DMP1: variants seen among roughly 807,000 people sequenced by gnomAD.
DMP1 encodes dentin matrix acidic phosphoprotein 1.
A neutral mutation model predicts 14.6 loss-of-function variants in DMP1; 20 were observed. That is an observed-to-expected ratio of 1.37 (90% CI 0.96 to 1.99). DMP1 has a LOEUF of 1.99. Ranked by LOEUF, DMP1 falls within the 30% of genes most tolerant of loss-of-function variation. The probability of loss-of-function intolerance (pLI) is 0.00; values close to 1 mark genes in which losing one functional copy is unlikely to be tolerated. For synonymous variants in DMP1, 197 were observed against 215.3 expected (o/e 0.91, Z 0.75); for missense variants, 567 against 620.5 (o/e 0.91, Z 0.92).
chr4:87,662,606 A>C lies in DMP1; in HGVS notation c.828A>C (p.Glu276Asp). The C allele has an allele frequency of 1.2e-6, 2 of 1,614,206 alleles. No homozygotes were observed. The highest frequency in any genetic ancestry group is 1.7e-6 in the Non-Finnish European group (2 of 1,180,042). ...KIFRKSRISE[E>D]DDRSELDDNN... ...TTAGGAAGTCTCGCATCTCAGAGGA[A>C]GATGACAGAAGCGAGCTTGATGACA... The change falls in exon 6 of 6, where the codon GAA becomes GAC. Residue 276 changes from glutamate (E) to aspartate (D), a missense_variant. Transcript: ENST00000339673.
Position 87,662,733 on chromosome 4 carries a change from G to C in DMP1, c.955G>C (p.Glu319Gln). 6.2e-7 allele frequency: 1 copy of C among 1,614,144 alleles called. No homozygotes were observed. Residue 319 changes from glutamate (E) to glutamine (Q), a missense_variant, in exon 6 of 6, where the codon GAA becomes CAA. Transcript: ENST00000339673. Reference sequence around the variant, plus strand: ...GAGAGACAGCAAGGGTGACTCTCAAGAAGACAGCAAGGAGAATCTGTCCCA... The same window carrying C: ...GAGAGACAGCAAGGGTGACTCTCAACAAGACAGCAAGGAGAATCTGTCCCA... ...PRRDSKGDSQ[E>Q]DSKENLSQEE...
At chr4:87,653,044 T>G (rs1728564268) in intron 1 of DMP1, among the ~76,000 whole-genome samples, 1 of 152,142 alleles carries the variant, frequency 6.6e-6, no homozygotes, top group African/African-American at 2.4e-5. Context: ...GATTTTGGTA[T>G]AGTTAAGCAT....
chr4:87,662,491 A>G lies in DMP1; in HGVS notation c.713A>G (p.Lys238Arg). ...GNSRMNSAGMKSKESGENSEQ... is the reference protein window; with the variant it reads ...GNSRMNSAGMRSKESGENSEQ... Reference sequence around the variant, plus strand: ...TCCAGAATGAACAGTGCAGGCATGAAATCAAAAGAATCTGGAGAAAACAGT... The same window carrying G: ...TCCAGAATGAACAGTGCAGGCATGAGATCAAAAGAATCTGGAGAAAACAGT... Residue 238 changes from lysine (K) to arginine (R), a missense_variant, in exon 6 of 6, where the codon AAA becomes AGA. Coordinates refer to ENST00000339673, the MANE Select transcript of DMP1 (RefSeq NM_004407.4). 1 of 1,614,178 alleles carries G rather than the reference A, an allele frequency of 6.2e-7. No individual in the cohort carries two copies. Among genetic ancestry groups the G allele is most frequent in the Non-Finnish European group, 8.5e-7 (1 of 1,180,020 alleles).
At chr4:87,654,931 T>C (rs139757432) in intron 1 of DMP1, among the ~76,000 whole-genome samples, 444 of 152,228 alleles carry the variant, frequency 2.9e-3, no homozygotes, top group Non-Finnish European at 5.0e-3. Flanking sequence ...AACCAGACTG[T>C]TTTGGGGTAA....
In DMP1 at chr4:87,663,109, G is replaced by A. The variant is rs763801854; in HGVS notation, c.1331G>A (p.Ser444Asn). 1.2e-6 allele frequency: 2 copies of A among 1,614,070 alleles called. No homozygotes were observed. Among genetic ancestry groups the A allele is most frequent in the Admixed American group, 1.7e-5 (1 of 60,010 alleles). ...QSHSSSAESQ[S>N]EESHSEEDDS... The stretch of plus-strand genomic sequence containing the variant: ...CACAGCAGCTCAGCAGAGAGTCAGA[G>A]CGAGGAAAGCCATTCTGAGGAAGAC... The change falls in exon 6 of 6, where the codon AGC becomes AAC. Residue 444 changes from serine to asparagine, a missense_variant. Physicochemically the swap from Ser to Asn is conservative, Grantham distance 46 (BLOSUM62 1). Coordinates refer to ENST00000339673, the MANE Select transcript of DMP1 (RefSeq NM_004407.4).
Position 87,662,899 on chromosome 4 carries a change from A to T in DMP1, c.1121A>T (p.Tyr374Phe). The stretch of plus-strand genomic sequence containing the variant: ...GATAACCCCGACCCCACAACTAGTT[A>T]TGTAGAAGACCAGGAAGACAGTGAC... Reference protein sequence around the residue: ...RGDNPDPTTSYVEDQEDSDSS... With the variant: ...RGDNPDPTTSFVEDQEDSDSS... The change falls in exon 6 of 6, where the codon TAT (tyrosine) becomes TTT (phenylalanine). Residue 374 changes from tyrosine (Y) to phenylalanine (F), a missense_variant. Transcript: ENST00000339673. 6.2e-7 allele frequency: 1 copy of T among 1,614,202 alleles called. No individual in the cohort carries two copies. Among genetic ancestry groups the T allele is most frequent in the Non-Finnish European group, 8.5e-7 (1 of 1,180,046 alleles).
rs1395977176 is a variant in DMP1 at position 87,662,464 on chromosome 4, A to G, written c.686A>G (p.Asn229Ser). The G allele has an allele frequency of 6.2e-7, 1 of 1,613,954 alleles. No individual in the cohort carries two copies. ...DPESIRSERGNSRMNSAGMKS... is the reference protein window; with the variant it reads ...DPESIRSERGSSRMNSAGMKS... ...GAGAGCATCAGGAGTGAAAGGGGAA[A>G]CTCCAGAATGAACAGTGCAGGCATG... The change falls in exon 6 of 6, where the codon AAC (asparagine) becomes AGC (serine). Residue 229 changes from asparagine (N) to serine (S), a missense_variant. By Grantham distance (46) the Asn-to-Ser change is conservative. Coordinates refer to ENST00000339673, the MANE Select transcript of DMP1 (RefSeq NM_004407.4).
chr4:87,663,410 A>T lies in DMP1; in HGVS notation c.*90A>T. ...ATAACTATAATTTATTGATGTTTTG[A>T]TCAAAAGAATAACCAGATGCCATAT... On this transcript the variant is annotated 3_prime_UTR_variant, in exon 6 of 6. Transcript: ENST00000339673. The T allele has an allele frequency of 6.3e-7, 1 of 1,588,724 alleles. No homozygotes were observed. The highest frequency in any genetic ancestry group is 8.6e-7 in the Non-Finnish European group (1 of 1,160,608).
In DMP1 at chr4:87,662,206, C is replaced by T. The variant is rs370153862; in HGVS notation, c.428C>T (p.Thr143Ile). 1.9e-4 allele frequency: 314 copies of T among 1,614,072 alleles called. No individual in the cohort carries two copies. The highest frequency in any genetic ancestry group is 2.2e-4 in the Non-Finnish European group (260 of 1,180,050). The change falls in exon 6 of 6, where the codon ACC becomes ATC. Residue 143 changes from threonine (T) to isoleucine (I), a missense_variant. Transcript: ENST00000339673. Reference sequence around the variant, plus strand: ...GGAAGTGATGAGGACTCTGATGACACCATACAAGCCAGTGAAGAGAGTGCC... The same window carrying T: ...GGAAGTGATGAGGACTCTGATGACATCATACAAGCCAGTGAAGAGAGTGCC... ...RLGSDEDSDDTIQASEESAPQ... is the reference protein window; with the variant it reads ...RLGSDEDSDDIIQASEESAPQ...
chr4:87,653,334 T>C (rs1728570882), intron 1 of DMP1, among the ~76,000 whole-genome samples: 1 of 143,498 alleles, frequency 7.0e-6, no homozygotes, highest in South Asian at 2.2e-4. Flanking sequence ...TTAGATGACT[T>C]CTTGAGCCCA....
In DMP1 at chr4:87,662,065, G is replaced by A. The variant is rs1363177923; in HGVS notation, c.287G>A (p.Gly96Glu). 6.2e-7 allele frequency: 1 copy of A among 1,614,216 alleles called. No homozygotes were observed. Among genetic ancestry groups the A allele is most frequent in the African/African-American group, 1.3e-5 (1 of 75,052 alleles). Residue 96 changes from glycine to glutamate, a missense_variant, in exon 6 of 6, where the codon GGA becomes GAA. Transcript: ENST00000339673. ...RLAGGFSRSTGKGGDDKDDDE... is the reference protein window; with the variant it reads ...RLAGGFSRSTEKGGDDKDDDE... Reference sequence around the variant, plus strand: ...GCTGGTGGCTTCTCCAGGAGCACAGGAAAAGGAGGAGATGATAAAGATGAC... The same window carrying A: ...GCTGGTGGCTTCTCCAGGAGCACAGAAAAAGGAGGAGATGATAAAGATGAC...
intron 1 of DMP1, among the ~76,000 whole-genome samples, chr4:87,653,868 A>G (rs909888878): frequency 1.6e-4 from 24 of 152,204 alleles, no homozygotes; most frequent in Non-Finnish European, 1.5e-5. Context: ...ATATAGATTA[A>G]TAGGAGAAAA....
Position 87,656,555 on chromosome 4 carries a change from T to C in DMP1, c.54+9T>C. On this transcript the variant is annotated intron_variant, in intron 2 of 5. Transcript: ENST00000339673. ...TATCCTGTGCTCTCCCAGTAAGTAT[T>C]AGGGTAGGGATATATGAAAAAACCC... The C allele has an allele frequency of 1.3e-6, 2 of 1,588,982 alleles. No individual in the cohort carries two copies. Among genetic ancestry groups the C allele is most frequent in the Non-Finnish European group, 1.7e-6 (2 of 1,157,226 alleles).
At chr4:87,661,719 T>C (rs1728888110) in intron 5 of DMP1, among the ~76,000 whole-genome samples, 1 of 151,480 alleles carries the variant, frequency 6.6e-6, no homozygotes, top group Non-Finnish European at 1.5e-5. Context: ...TCCAGAAAGC[T>C]TTTTGAGAAA....
chr4:87,653,435 T>TATATATATATATA (rs1728592311), intron 1 of DMP1, among the ~76,000 whole-genome samples: 1 of 79,938 alleles, frequency 1.3e-5, no homozygotes, highest in Non-Finnish European at 2.6e-5. Context: ...ATATATATAC[T>TATATATATATATA]TTTTTTTTGA....
At chr4:87,657,172 T>C in intron 3 of DMP1, 93 bp downstream of exon 3, 3 of 754,624 alleles carry the variant, frequency 4.0e-6, no homozygotes, top group Non-Finnish European at 6.9e-6. Context: ...AAACTGCTAA[T>C]GACTTCATCA....
chr4:87,653,313 TA>T (rs959064590), intron 1 of DMP1, among the ~76,000 whole-genome samples: 39 of 142,218 alleles, frequency 2.7e-4, no homozygotes, highest in African/African-American at 9.7e-4. Context: ...TTGAATACAT[TA>T]AAAATAAGAT....
intron 5 of DMP1, among the ~76,000 whole-genome samples, chr4:87,661,580 C>G (rs182267743): frequency 6.6e-6 from 1 of 150,742 alleles, no homozygotes; most frequent in African/African-American, 2.4e-5. Flanking sequence ...AAGATGGTCT[C>G]GATCTCTTGA....
At chr4:87,656,368 T>C (rs1455988061) in intron 1 of DMP1, 104 bp from the exon 2 acceptor site, 5 of 763,348 alleles carry the variant, frequency 6.6e-6, no homozygotes, top group Admixed American at 1.7e-5. Context: ...CATTCATCAG[T>C]TCATGGACAT....
Sources: allele counts gnomAD v4.1 joint callset (sites outside exome capture counted in the v4.1 genomes callset), GRCh38; gene constraint gnomAD v4.1.1; transcripts MANE v1.5; gene names NCBI Gene and HGNC (gene_info 2026-07-23, HGNC 2026-07-21).